Variants in FNDC3B observed in about 807,000 individuals in gnomAD.
FNDC3B encodes fibronectin type III domain-containing protein 3B.
FNDC3B carries 12 observed loss-of-function variants against 151.5 expected under a neutral mutation model. That is an observed-to-expected ratio of 0.08 (90% CI 0.05 to 0.13). FNDC3B has a LOEUF of 0.13. FNDC3B is among the 10% of genes least tolerant of loss of function. The pLI, the probability that FNDC3B is intolerant of heterozygous loss-of-function variation, is 1.00. For missense variants in FNDC3B, 1,214 were observed against 1,505.3 expected, an observed-to-expected ratio of 0.81 and a Z score of 3.20; for synonymous variants, 528 against 549.0, an observed-to-expected ratio of 0.96 and a Z score of 0.54.
At chr3:172,058,101 C>T (rs1717001105) in intron 1 of FNDC3B, among the ~76,000 whole-genome samples, 1 of 152,172 alleles carries the variant, frequency 6.6e-6, no homozygotes, top group African/African-American at 2.4e-5. Flanking sequence ...AGAATTGGCA[C>T]AATTGTGGAC....
chr3:172,046,618 C>CCGG (rs1305089660), intron 1 of FNDC3B, among the ~76,000 whole-genome samples: 5 of 152,056 alleles, frequency 3.3e-5, no homozygotes, highest in Non-Finnish European at 5.9e-5. Flanking sequence ...GCCACCTTGC[C>CCGG]CGGCCCTGTT....
chr3:172,142,153 T>C (rs1399948032), intron 3 of FNDC3B, among the ~76,000 whole-genome samples: 1 of 152,200 alleles, frequency 6.6e-6, no homozygotes, highest in Admixed American at 6.5e-5. Flanking sequence ...TGAGTCATAG[T>C]AGGGGCCCAA....
Position 172,343,112 on chromosome 3 carries a change from G to A in FNDC3B, c.2073G>A (p.Glu691=), listed in dbSNP as rs780300337. The A allele has an allele frequency of 2.6e-6, 4 of 1,539,844 alleles. No individual in the cohort carries two copies. The South Asian group carries it at 3.3e-5, about 13-fold the overall frequency. ...GRPKHKEVHL[E]WDVPASESGC... is the part of the protein sequence containing the mutation. ...CAAAGCACAAAGAAGTCCACTTAGA[G>A]TGGGGTGAGTGAACTAACCTTCACA... The change falls in exon 18 of 26, where the codon GAG becomes GAA. Residue 691 remains glutamate (E), a synonymous_variant. Coordinates refer to ENST00000415807, the MANE Select transcript of FNDC3B (RefSeq NM_022763.4).
rs534577511 is a variant in FNDC3B at position 172,216,728 on chromosome 3, G to A, written c.188-10143G>A. ...TAATCCTGAATGTTGTTTATTTGTAGCCTAAGTAAATTATGTTTCAAACTG... is the reference window on the plus strand; with the variant it reads ...TAATCCTGAATGTTGTTTATTTGTAACCTAAGTAAATTATGTTTCAAACTG... On this transcript the variant is annotated intron_variant, in intron 3 of 25. Transcript: ENST00000415807. 5.3e-5 allele frequency among the ~76,000 whole-genome samples: 8 copies of A among 152,282 alleles called. No individual in the cohort carries two copies. The South Asian group carries it at 1.5e-3, about 28-fold the overall frequency.
At chr3:172,290,501 G>T (rs150532692) in intron 7 of FNDC3B, among the ~76,000 whole-genome samples, 177 of 152,232 alleles carry the variant, frequency 1.2e-3, no homozygotes, top group Non-Finnish European at 2.1e-3. Context: ...GACCTTCTCT[G>T]GTGGTGGTGC....
At chr3:172,054,737 A>G (rs529784330) in intron 1 of FNDC3B, among the ~76,000 whole-genome samples, 127 of 152,120 alleles carry the variant, frequency 8.3e-4, no homozygotes, top group African/African-American at 3.1e-3. Context: ...GGGGTGCAGC[A>G]CCTCCAGAGA....
intron 8 of FNDC3B, among the ~76,000 whole-genome samples, chr3:172,297,664 C>A (rs9820562): frequency 6.6e-6 from 1 of 151,874 alleles, no homozygotes; most frequent in Non-Finnish European, 1.5e-5. Flanking sequence ...TTAGTAGAGA[C>A]GGGGTTTCAC....
intron 3 of FNDC3B, among the ~76,000 whole-genome samples, chr3:172,188,481 C>G (rs1724321708): frequency 6.6e-6 from 1 of 151,960 alleles, no homozygotes; most frequent in African/African-American, 2.4e-5. Flanking sequence ...TCTTGGCTCA[C>G]TGCAACCTCT....
intron 3 of FNDC3B, chr3:172,187,059 A>G (rs1350649990): frequency 6.7e-6 from 2 of 298,510 alleles, no homozygotes; most frequent in Non-Finnish European, 1.2e-5. Context: ...GGTTTTTGGA[A>G]GCTTTATTCC....
At chr3:172,259,733 T>C (rs1448738620) in intron 6 of FNDC3B, among the ~76,000 whole-genome samples, 1 of 152,252 alleles carries the variant, frequency 6.6e-6, no homozygotes, top group African/African-American at 2.4e-5. Flanking sequence ...TTAAGTTACA[T>C]CACTTATCCT....
At position 172,352,998 on chromosome 3, in the gene FNDC3B, A is replaced by G. The variant is rs746033444; in HGVS notation, c.2710A>G (p.Thr904Ala). ...TAACGGATCTGAAATCCTTGCTTACACCATTGATCTAGGAGACACTAGCAT... is the reference window on the plus strand; with the variant it reads ...TAACGGATCTGAAATCCTTGCTTACGCCATTGATCTAGGAGACACTAGCAT... Reference protein sequence around the residue: ...CNNGSEILAYTIDLGDTSITV... With the variant: ...CNNGSEILAYAIDLGDTSITV... Residue 904 changes from threonine to alanine, a missense_variant, in exon 22 of 26, where the codon ACC becomes GCC. Thr to Ala is a moderately conservative substitution (Grantham distance 58, BLOSUM62 0). Around this residue, in one of 7 missense-constraint regions of FNDC3B, gnomAD observed 284 missense variants for 392.4 expected, o/e 0.72. Transcript: ENST00000415807. This position sits in a 1 kb window ranked among gnomAD's most constrained non-coding sequence, Gnocchi z 4.2. 2 of 1,614,100 alleles carry G rather than the reference A, an allele frequency of 1.2e-6. No individual in the cohort carries two copies. Among genetic ancestry groups the G allele is most frequent in the Non-Finnish European group, 1.7e-6 (2 of 1,180,002 alleles).
chr3:172,275,727 T>C (rs1729401844), intron 6 of FNDC3B, among the ~76,000 whole-genome samples: 1 of 152,230 alleles, frequency 6.6e-6, no homozygotes, highest in Non-Finnish European at 1.5e-5. Context: ...ATCTTAACTT[T>C]TCATTTTAGT....
intron 3 of FNDC3B, among the ~76,000 whole-genome samples, chr3:172,211,918 A>G (rs566516562): frequency 6.6e-6 from 1 of 152,336 alleles, no homozygotes; most frequent in Non-Finnish European, 1.5e-5. Context: ...GCTGTCAATT[A>G]AAGATGTTTA....
At chr3:172,388,676 G>A (rs576794976) in intron 25 of FNDC3B, among the ~76,000 whole-genome samples, 2 of 152,282 alleles carry the variant, frequency 1.3e-5, no homozygotes, top group African/African-American at 4.8e-5. Context: ...TAGTTCCTAA[G>A]TACTGTGGGT....
At chr3:172,067,531 G>C (rs1175987843) in intron 1 of FNDC3B, among the ~76,000 whole-genome samples, 3 of 152,112 alleles carry the variant, frequency 2.0e-5, no homozygotes, top group Non-Finnish European at 4.4e-5. Flanking sequence ...TAAAATAAAA[G>C]TACACTTTCT....
intron 1 of FNDC3B, among the ~76,000 whole-genome samples, chr3:172,104,453 CTAA>C (rs1719535921): frequency 2.1e-5 from 3 of 146,036 alleles, no homozygotes; most frequent in South Asian, 4.3e-4. Flanking sequence ...GTGAAAAATT[CTAA>C]TAACAGTTCT....
At position 172,362,634 on chromosome 3, in the gene FNDC3B, A is replaced by T. The variant is rs903192478; in HGVS notation, c.2797A>T (p.Ile933Phe). The T allele has an allele frequency of 1.9e-6, 3 of 1,612,012 alleles. No homozygotes were observed. Among genetic ancestry groups the T allele is most frequent in the African/African-American group, 1.3e-5 (1 of 74,654 alleles). ...GTATTTTTTTTTTCCTTTCTCTAGG[A>T]TCAGAATTCAGGCTATAAATGAAAT... ...KDLLPETTYR[I>F]RIQAINEIGA... Residue 933 changes from isoleucine to phenylalanine, a missense_variant and splice_region_variant, in exon 23 of 26, where the codon ATC becomes TTC. Transcript: ENST00000415807.
intron 11 of FNDC3B, among the ~76,000 whole-genome samples, chr3:172,313,601 ACTGTGATAG>A (rs1282740716): frequency 1.3e-5 from 2 of 152,238 alleles, no homozygotes; most frequent in East Asian, 3.8e-4. Flanking sequence ...AGTAAAGATA[ACTGTGATAG>A]CTGTGATAGC....
At chr3:172,108,864 G>A (rs1719814554) in intron 1 of FNDC3B, among the ~76,000 whole-genome samples, 1 of 152,172 alleles carries the variant, frequency 6.6e-6, no homozygotes, top group Non-Finnish European at 1.5e-5. Context: ...TTTCTATGGA[G>A]CATAGACTAA....
Sources: allele counts gnomAD v4.1 joint callset (sites outside exome capture counted in the v4.1 genomes callset), GRCh38; gene constraint gnomAD v4.1.1; regional missense constraint gnomAD v4.1.1; non-coding constraint Gnocchi (gnomAD v3.1); transcripts MANE v1.5; gene names NCBI Gene and HGNC (gene_info 2026-07-23, HGNC 2026-07-21).